SLC14A2: variants seen among roughly 807,000 people sequenced by gnomAD.
SLC14A2 encodes the protein urea transporter 2.
In SLC14A2, 91 loss-of-function variants were observed where a neutral mutation model predicts 104.6. That is an observed-to-expected ratio of 0.87 (90% CI 0.73 to 1.04). SLC14A2 has a LOEUF of 1.04. Among genes scored for constraint, SLC14A2 ranks in the 50% least tolerant of loss-of-function variants. The pLI, the probability that SLC14A2 is intolerant of heterozygous loss-of-function variation, is 0.00. For missense variants in SLC14A2, 1,189 were observed against 1,156.0 expected (o/e 1.03, Z -0.41); for synonymous variants, 476 against 466.4 (o/e 1.02, Z -0.27).
chr18:45,538,850 C>CTTTTT (rs61475766), intron 2 of SLC14A2, among the ~76,000 whole-genome samples: 43 of 105,236 alleles, frequency 4.1e-4, no homozygotes, highest in African/African-American at 1.0e-3. Flanking sequence ...TCCCCCTTCC[C>CTTTTT]TTTTTTTTTT....
intron 2 of SLC14A2, among the ~76,000 whole-genome samples, chr18:45,578,480 G>A (rs1011655948): frequency 8.5e-5 from 13 of 152,126 alleles, no homozygotes; most frequent in Non-Finnish European, 1.8e-4. Context: ...TAGTGTTGTC[G>A]AACTGCGTTG....
intron 2 of SLC14A2, among the ~76,000 whole-genome samples, chr18:45,518,425 ATTC>A (rs2043472234): frequency 6.7e-6 from 1 of 149,616 alleles, no homozygotes; most frequent in East Asian, 1.9e-4. Context: ...TCATTCATTC[ATTC>A]AGCCTATTTA....
Position 45,501,498 on chromosome 18 carries a change from C to T in SLC14A2, c.-35+18176C>T, listed in dbSNP as rs555643895. Among the ~76,000 whole-genome samples, 14 of 152,296 alleles carry T rather than the reference C, an allele frequency of 9.2e-5. No homozygotes were observed. In the South Asian group the frequency reaches 2.7e-3, roughly 29 times the overall value. On this transcript the variant is annotated intron_variant, in intron 2 of 20. Transcript: ENST00000586448. ...CACAATGCTTTTTGTATAAATGCTTCGTCTCCCACCTGCATTAGGCTGCAT... is the reference window on the plus strand; with the variant it reads ...CACAATGCTTTTTGTATAAATGCTTTGTCTCCCACCTGCATTAGGCTGCAT...
chr18:45,327,679 T>C (rs57010778), intron 1 of SLC14A2, among the ~76,000 whole-genome samples: 3,043 of 152,304 alleles, frequency 0.02, 101 homozygotes, highest in African/African-American at 0.069. Context: ...CATAAGGTTT[T>C]CAAGGTTCGT....
chr18:45,453,563 C>T (rs1179124282), intron 1 of SLC14A2, among the ~76,000 whole-genome samples: 5 of 152,142 alleles, frequency 3.3e-5, no homozygotes, highest in Non-Finnish European at 5.9e-5. Context: ...CTGTCTTTAA[C>T]ATTTTGGTGT....
At chr18:45,338,693 A>AC (rs1468960345) in intron 1 of SLC14A2, among the ~76,000 whole-genome samples, 24 of 116,104 alleles carry the variant, frequency 2.1e-4, no homozygotes, top group Non-Finnish European at 4.9e-4. Context: ...AAAAAAAAAA[A>AC]AAAAAAAAAA....
chr18:45,321,870 G>T (rs78155974), intron 1 of SLC14A2, among the ~76,000 whole-genome samples: 1 of 152,198 alleles, frequency 6.6e-6, no homozygotes, highest in Non-Finnish European at 1.5e-5. Flanking sequence ...GTTTTGGCAT[G>T]TTCTGTCTGG....
intron 1 of SLC14A2, among the ~76,000 whole-genome samples, chr18:45,480,875 G>A (rs1301546360): frequency 1.3e-5 from 2 of 152,228 alleles, no homozygotes; most frequent in East Asian, 3.9e-4. Context: ...AAAGCAGCAT[G>A]AGTCAGAATG....
At chr18:45,603,338 G>T (rs373881533) in intron 2 of SLC14A2, among the ~76,000 whole-genome samples, 1 of 152,046 alleles carries the variant, frequency 6.6e-6, no homozygotes, top group South Asian at 2.1e-4. Flanking sequence ...GAACATGCGT[G>T]TGGTTTCCCA....
At chr18:45,258,475 C>G (rs565134687) in intron 1 of SLC14A2, among the ~76,000 whole-genome samples, 1 of 142,974 alleles carries the variant, frequency 7.0e-6, no homozygotes, top group East Asian at 2.0e-4. Flanking sequence ...TGCTACAGCC[C>G]AGAATTTAGC....
chr18:45,201,918 C>A, the SLC14A2 span, among the ~76,000 whole-genome samples: 33,991 of 151,954 alleles, frequency 0.22, 4,324 homozygotes, highest in Non-Finnish European at 0.3. Context: ...TGAGATAACA[C>A]AGAATTTCAC....
At chr18:45,628,319 CTGT>C (rs1201861127) in intron 4 of SLC14A2, among the ~76,000 whole-genome samples, 1 of 151,960 alleles carries the variant, frequency 6.6e-6, no homozygotes, top group Admixed American at 6.6e-5. Context: ...TGGCGCTTGC[CTGT>C]TGTCCCAGCT....
At chr18:45,504,246 G>A (rs1361616529) in intron 2 of SLC14A2, among the ~76,000 whole-genome samples, 1 of 152,184 alleles carries the variant, frequency 6.6e-6, no homozygotes, top group African/African-American at 2.4e-5. Flanking sequence ...GGAAAAGGGA[G>A]GGCTCTTCCT....
At chr18:45,456,719 G>A (rs998596085) in intron 1 of SLC14A2, among the ~76,000 whole-genome samples, 1 of 151,036 alleles carries the variant, frequency 6.6e-6, no homozygotes, top group African/African-American at 2.4e-5. Context: ...CCTTGAGAGA[G>A]TGGTGTTTTT....
intron 1 of SLC14A2, among the ~76,000 whole-genome samples, chr18:45,256,711 A>C (rs2084482367): frequency 6.6e-6 from 1 of 152,262 alleles, no homozygotes; most frequent in Non-Finnish European, 1.5e-5. Flanking sequence ...GAAACTTGCT[A>C]TCACCAATTG....
chr18:45,529,596 T>A (rs2043650125), intron 2 of SLC14A2: 1 of 152,314 alleles, frequency 6.6e-6, no homozygotes, highest in East Asian at 1.9e-4. Flanking sequence ...ATCCCCAGTT[T>A]TTTCCACCCT....
In SLC14A2 at chr18:45,398,580, TG is replaced by T. The variant is rs543323581; in HGVS notation, c.-124-84652del. ...TTGACAGATGAATGGATAAACAAAT[TG>T]TGGTTATATACATATAATAAAATAG... On this transcript the variant is annotated intron_variant, in intron 1 of 20. Coordinates refer to the SLC14A2 transcript ENST00000586448. Among the ~76,000 whole-genome samples the T allele has an allele frequency of 1.1e-3, 118 of 107,002 alleles. 1 individual carries two copies. The highest frequency in any genetic ancestry group is 3.5e-3 in the African/African-American group (115 of 33,026). The allele number at this position is 107,002 out of a possible 152,430, so 70.2% of individuals were successfully genotyped here. A position where few individuals can be genotyped will look rare whatever the true frequency, so the allele number is the denominator to read the frequency against.
chr18:45,634,320 A>G (rs147797297), intron 5 of SLC14A2, among the ~76,000 whole-genome samples: 54 of 152,336 alleles, frequency 3.5e-4, no homozygotes, highest in African/African-American at 1.2e-3. Context: ...AAAAGTCTCT[A>G]TTCCCTTGGA....
intron 1 of SLC14A2, among the ~76,000 whole-genome samples, chr18:45,240,380 C>T (rs1000456998): frequency 6.6e-6 from 1 of 152,026 alleles, no homozygotes; most frequent in Non-Finnish European, 1.5e-5. Context: ...CAGGCATGAG[C>T]CACCACGCCC....
Sources: allele counts gnomAD v4.1 joint callset (sites outside exome capture counted in the v4.1 genomes callset), GRCh38; gene constraint gnomAD v4.1.1; transcripts MANE v1.5; gene names NCBI Gene and HGNC (gene_info 2026-07-23, HGNC 2026-07-21).